The following ZDHHC2 variants were observed in gnomAD, a reference collection of about 807,000 sequenced individuals.
ZDHHC2 encodes zDHHC palmitoyltransferase 2, also known as palmitoyltransferase ZDHHC2.
ZDHHC2 carries 51 observed loss-of-function variants against 55.6 expected under a neutral mutation model. The ratio of observed to expected loss-of-function variants is 0.92; its 90% CI spans 0.73 to 1.16. The LOEUF (loss-of-function observed/expected upper bound fraction) is 1.16, where lower values mean the gene tolerates loss of function less well. ZDHHC2 is among the 50% of genes most tolerant of loss of function. The pLI is 0.00. For missense variants in ZDHHC2, 491 were observed against 442.4 expected (o/e 1.11, Z -0.99); for synonymous variants, 199 against 152.9 (o/e 1.30, Z -2.22).
At position 17,199,526 on chromosome 8, in the gene ZDHHC2, CGTCTTCTGTCTTCGTCTTCT is replaced by C. The variant is rs1290659188; in HGVS notation, c.476+1120_476+1139del. On this transcript the variant is annotated intron_variant, in intron 6 of 12. Coordinates refer to ENST00000262096, the MANE Select transcript of ZDHHC2 (RefSeq NM_016353.5). ...TCTTCTTCTTCTTCGTCTTCGTCTT[CGTCTTCTGTCTTCGTCTTCT>C]GTCTTCGTCTTCGTCTTCTTCGTCT... Among the ~76,000 whole-genome samples, 63 of 35,344 alleles carry C rather than the reference CGTCTTCTGTCTTCGTCTTCT, an allele frequency of 1.8e-3. 4 individuals carry two copies. The highest frequency in any genetic ancestry group is 3.5e-3 in the African/African-American group (56 of 16,038). The allele number at this position is 35,344 out of a possible 152,430, so 23.2% of individuals were successfully genotyped here.
At position 17,186,347 on chromosome 8, in the gene ZDHHC2, C is replaced by A; in HGVS notation, c.174C>A (p.Ala58=). 2 of 1,593,486 alleles carry A rather than the reference C, an allele frequency of 1.3e-6. No individual in the cohort carries two copies. The highest frequency in any genetic ancestry group is 2.3e-5 in the East Asian group (1 of 43,666). The change falls in exon 3 of 13, where the codon GCC becomes GCA. Residue 58 remains alanine, a synonymous_variant. Transcript: ENST00000262096. The part of the protein sequence containing the change: ...NTGEQVVCLM[A]YHLLFAMFVW... The stretch of plus-strand genomic sequence containing the variant: ...TCATTTTAGTTGTGTGCCTGATGGC[C>A]TATCATCTACTTTTTGCAATGTTTG...
At chr8:17,194,921 A>G (rs1359393560) in intron 3 of ZDHHC2, among the ~76,000 whole-genome samples, 1 of 152,178 alleles carries the variant, frequency 6.6e-6, no homozygotes, top group Non-Finnish European at 1.5e-5. Context: ...ATATGTATTT[A>G]TATACATATT....
intron 1 of ZDHHC2, chr8:17,162,661 A>T (rs1416016819): frequency 6.6e-6 from 1 of 152,178 alleles, no homozygotes; most frequent in Non-Finnish European, 1.5e-5. Context: ...TTTTCCTAGT[A>T]GCCAAGAAAA....
At chr8:17,170,554 A>C (rs1324608225) in intron 1 of ZDHHC2, among the ~76,000 whole-genome samples, 1 of 152,234 alleles carries the variant, frequency 6.6e-6, no homozygotes, top group East Asian at 1.9e-4. Context: ...CTGGTCATAT[A>C]GTACTCAACA....
chr8:17,167,447 A>G (rs1804658733), intron 1 of ZDHHC2, among the ~76,000 whole-genome samples: 2 of 151,800 alleles, frequency 1.3e-5, no homozygotes, highest in Admixed American at 6.6e-5. Flanking sequence ...CTGGGATTAC[A>G]GGCACCTGCC....
intron 5 of ZDHHC2, 36 bp downstream of exon 5, chr8:17,197,687 C>G: frequency 6.4e-7 from 1 of 1,565,428 alleles, no homozygotes; most frequent in Non-Finnish European, 8.8e-7. Context: ...TATCTACATG[C>G]TGGTGGTCTT....
rs549371331 is a variant in ZDHHC2 at position 17,193,280 on chromosome 8, C to G, written c.253-2224C>G. On this transcript the variant is annotated intron_variant, in intron 3 of 12. Transcript: ENST00000262096. ...CCAGTAATACTGTGGTTCTTACAGA[C>G]TGGTAGATGTGTACTGCCTTGGTGG... Among the ~76,000 whole-genome samples the G allele has an allele frequency of 4.0e-4, 61 of 152,282 alleles. 1 individual carries two copies. In the South Asian group the frequency reaches 0.012, roughly 29 times the overall value.
intron 12 of ZDHHC2, among the ~76,000 whole-genome samples, chr8:17,219,444 T>C (rs1306452368): frequency 6.6e-6 from 1 of 151,658 alleles, no homozygotes. Flanking sequence ...TTACCAACCT[T>C]TCCTATCATA....
rs2150869011 is a variant in ZDHHC2 at position 17,156,607 on chromosome 8, G to A, written c.-117G>A. On this transcript the variant is annotated 5_prime_UTR_variant, in exon 1 of 13. Transcript: ENST00000262096. ...CGCCACGGCGGCGGCAGTGGCCGCA[G>A]CGCACCCCGCCGCCGCCCAGGAGCC... The A allele has an allele frequency of 2.4e-6, 2 of 830,670 alleles. No individual in the cohort carries two copies. Among genetic ancestry groups the A allele is most frequent in the African/African-American group, 3.7e-5 (2 of 54,044 alleles). 51.5% of individuals were successfully genotyped at this position (830,670 alleles called of 1,614,324 possible). A position where few individuals can be genotyped will look rare whatever the true frequency, so the allele number is the denominator to read the frequency against.
At chr8:17,164,295 CT>C (rs1328018311) in intron 1 of ZDHHC2, among the ~76,000 whole-genome samples, 11 of 152,120 alleles carry the variant, frequency 7.2e-5, no homozygotes, top group Non-Finnish European at 1.6e-4. Flanking sequence ...AAATTATATG[CT>C]GCATTTCTCG....
chr8:17,186,337 G>A lies in ZDHHC2; in HGVS notation c.164G>A (p.Cys55Tyr). Reference sequence around the variant, plus strand: ...TATGTTTTTCTCATTTTAGTTGTGTGCCTGATGGCCTATCATCTACTTTTT... The same window carrying A: ...TATGTTTTTCTCATTTTAGTTGTGTACCTGATGGCCTATCATCTACTTTTT... ...SMENTGEQVV[C>Y]LMAYHLLFAM... The change falls in exon 3 of 13, where the codon TGC becomes TAC. Residue 55 changes from cysteine to tyrosine, a missense_variant. By Grantham distance (194) the Cys-to-Tyr change is radical. Coordinates refer to ENST00000262096, the MANE Select transcript of ZDHHC2 (RefSeq NM_016353.5). 8 of 1,592,088 alleles carry A rather than the reference G, an allele frequency of 5.0e-6. No homozygotes were observed. Among genetic ancestry groups the A allele is most frequent in the Non-Finnish European group, 6.8e-6 (8 of 1,169,892 alleles).
At chr8:17,207,480 G>A (rs1408138016) in intron 7 of ZDHHC2, among the ~76,000 whole-genome samples, 1 of 152,118 alleles carries the variant, frequency 6.6e-6, no homozygotes, top group Non-Finnish European at 1.5e-5. Context: ...TATTCATTTA[G>A]TTGATGCTGT....
chr8:17,158,310 C>T (rs748614140), intron 1 of ZDHHC2, among the ~76,000 whole-genome samples: 2 of 152,158 alleles, frequency 1.3e-5, no homozygotes, highest in Non-Finnish European at 2.9e-5. Context: ...GTGTTTCATT[C>T]CTTCGTCCTC....
At chr8:17,205,314 G>C (rs564916941) in intron 6 of ZDHHC2, among the ~76,000 whole-genome samples, 1 of 152,330 alleles carries the variant, frequency 6.6e-6, no homozygotes, top group Admixed American at 6.5e-5. Flanking sequence ...ATGGCGTAGA[G>C]GAAGGGTTTA....
chr8:17,181,980 G>C lies in ZDHHC2; in HGVS notation c.131-2809G>C, dbSNP rs145822988. 5.7e-3 allele frequency among the ~76,000 whole-genome samples: 869 copies of C among 152,186 alleles called. 8 individuals carry two copies. Among genetic ancestry groups the C allele is most frequent in the Middle Eastern group, 6.8e-3 (2 of 294 alleles). ...CTGTGAGAAAGGAAACTTTGAACTT[G>C]ACAACTCTGCCATTAAACTGAAAAT... On this transcript the variant is annotated intron_variant, in intron 1 of 12. Coordinates refer to ENST00000262096, the MANE Select transcript of ZDHHC2 (RefSeq NM_016353.5).
chr8:17,198,574 C>T (rs1382272474), intron 6 of ZDHHC2, among the ~76,000 whole-genome samples, 161 bp downstream of exon 6: 1 of 152,078 alleles, frequency 6.6e-6, no homozygotes, highest in Admixed American at 6.5e-5. Flanking sequence ...TTAAAAGAGC[C>T]TTTATTTAGG....
intron 12 of ZDHHC2, among the ~76,000 whole-genome samples, chr8:17,218,495 CATGGTAATATTATATA>C (rs1807752708): frequency 6.6e-6 from 1 of 152,042 alleles, no homozygotes; most frequent in Non-Finnish European, 1.5e-5. Flanking sequence ...TACATATTTA[CATGGTAATATTATATA>C]AAAGCCATCG....
intron 1 of ZDHHC2, among the ~76,000 whole-genome samples, chr8:17,160,759 A>T (rs1804300869): frequency 6.6e-6 from 1 of 152,218 alleles, no homozygotes; most frequent in South Asian, 2.1e-4. Flanking sequence ...TATAGTACAT[A>T]TTTTTGGCTT....
chr8:17,194,102 C>T (rs1585698887), intron 3 of ZDHHC2, among the ~76,000 whole-genome samples: 2 of 152,146 alleles, frequency 1.3e-5, no homozygotes, highest in African/African-American at 4.8e-5. Flanking sequence ...TGAACTCATC[C>T]TTTTTTATGG....
Sources: gnomAD v4.1 joint callset for allele counts (sites outside exome capture counted in the v4.1 genomes callset) on GRCh38, gnomAD v4.1.1 for gene constraint, MANE v1.5 for transcripts, NCBI Gene and HGNC (gene_info 2026-07-23, HGNC 2026-07-21) for gene names.